The following TNRC6B variants were observed in gnomAD, a reference collection of about 807,000 sequenced individuals.
The protein encoded by TNRC6B is trinucleotide repeat-containing gene 6B protein.
TNRC6B carries 52 observed loss-of-function variants against 203.6 expected under a neutral mutation model. The ratio of observed to expected loss-of-function variants is 0.26; its 90% CI spans 0.20 to 0.32. The LOEUF (loss-of-function observed/expected upper bound fraction) is 0.32, where lower values mean the gene tolerates loss of function less well. Among genes scored for constraint, TNRC6B ranks in the 10% least tolerant of loss-of-function variants. TNRC6B has a pLI of 1.00. For missense variants in TNRC6B, 1,923 were observed against 2,286.2 expected, an observed-to-expected ratio of 0.84 and a Z score of 3.24; for synonymous variants, 838 against 845.7, an observed-to-expected ratio of 0.99 and a Z score of 0.16.
intron 1 of TNRC6B, among the ~76,000 whole-genome samples, chr22:40,204,556 T>C (rs560880094): frequency 6.6e-6 from 1 of 152,368 alleles, no homozygotes; most frequent in Admixed American, 6.5e-5. Flanking sequence ...GTAAATTTTA[T>C]GTGTTGCAAA....
At chr22:40,199,581 G>C (rs1238517130) in intron 1 of TNRC6B, among the ~76,000 whole-genome samples, 1 of 152,074 alleles carries the variant, frequency 6.6e-6, no homozygotes, top group African/African-American at 2.4e-5. Flanking sequence ...CAAGACCAAA[G>C]AATGATTCTA....
intron 1 of TNRC6B, among the ~76,000 whole-genome samples, chr22:40,057,296 T>TTG (rs1179023496): frequency 2.0e-5 from 3 of 150,970 alleles, no homozygotes; most frequent in Non-Finnish European, 3.0e-5. Flanking sequence ...TGCCAGGTTT[T>TTG]TTTTTTTTTT....
chr22:40,063,671 TTTTTTTC>T (rs1387841757), intron 1 of TNRC6B, among the ~76,000 whole-genome samples: 1 of 152,044 alleles, frequency 6.6e-6, no homozygotes, highest in Non-Finnish European at 1.5e-5. Flanking sequence ...TGATGTTAGG[TTTTTTTC>T]TTTTTTCTTT....
At chr22:40,170,854 T>TATAC (rs1491511859) in intron 4 of TNRC6B, among the ~76,000 whole-genome samples, 1 of 109,380 alleles carries the variant, frequency 9.1e-6, no homozygotes, top group Non-Finnish European at 1.8e-5. Context: ...TATATGTGTG[T>TATAC]ATATATACAT....
At chr22:40,102,874 G>A (rs1043932518) in intron 1 of TNRC6B, among the ~76,000 whole-genome samples, 1 of 151,878 alleles carries the variant, frequency 6.6e-6, no homozygotes, top group Non-Finnish European at 1.5e-5. Flanking sequence ...GTCAGGAGAC[G>A]GAGACCATCC....
At chr22:40,101,543 T>A (rs2068241493) in intron 1 of TNRC6B, among the ~76,000 whole-genome samples, 1 of 152,166 alleles carries the variant, frequency 6.6e-6, no homozygotes, top group Non-Finnish European at 1.5e-5. Flanking sequence ...TGGTCTCTAG[T>A]TGGGCTTTTT....
At position 40,265,361 on chromosome 22, in the gene TNRC6B, C is replaced by T; in HGVS notation, c.1131C>T (p.Asn377=). The T allele has an allele frequency of 6.2e-7, 1 of 1,613,954 alleles. No homozygotes were observed. The highest frequency in any genetic ancestry group is 1.3e-5 in the African/African-American group (1 of 75,032). ...ACACTGATGGACCAAAAAATGGAAACACTAACTCCTTGAACTTAAGTTCAC... is the reference window on the plus strand; with the variant it reads ...ACACTGATGGACCAAAAAATGGAAATACTAACTCCTTGAACTTAAGTTCAC... ...IHNTDGPKNG[N]TNSLNLSSPN... is the part of the protein sequence containing the mutation. Residue 377 remains asparagine (N), a synonymous_variant, in exon 5 of 23, where the codon AAC becomes AAT. Coordinates refer to ENST00000454349, the MANE Select transcript of TNRC6B (RefSeq NM_001162501.2).
At position 40,265,376 on chromosome 22, in the gene TNRC6B, C is replaced by T; in HGVS notation, c.1146C>T (p.Asn382=). The T allele has an allele frequency of 1.2e-6, 2 of 1,614,012 alleles. No individual in the cohort carries two copies. The highest frequency in any genetic ancestry group is 1.7e-6 in the Non-Finnish European group (2 of 1,179,894). The change falls in exon 5 of 23, where the codon AAC becomes AAT. Residue 382 remains asparagine (N), a synonymous_variant. Transcript: ENST00000454349. ...GPKNGNTNSL[N]LSSPNPMENK... is the part of the protein sequence containing the mutation. ...AAAATGGAAACACTAACTCCTTGAACTTAAGTTCACCAAACCCCATGGAGA... is the reference window on the plus strand; with the variant it reads ...AAAATGGAAACACTAACTCCTTGAATTTAAGTTCACCAAACCCCATGGAGA...
intron 1 of TNRC6B, among the ~76,000 whole-genome samples, chr22:40,183,868 G>A (rs753384005): frequency 1.3e-5 from 2 of 151,952 alleles, no homozygotes; most frequent in Non-Finnish European, 2.9e-5. Context: ...CTAATTTTTT[G>A]TATATTTTAG....
chr22:40,134,710 T>G (rs2068583095), intron 3 of TNRC6B, among the ~76,000 whole-genome samples: 2 of 152,114 alleles, frequency 1.3e-5, no homozygotes, highest in Admixed American at 1.3e-4. Context: ...AACTTAAAGT[T>G]TAATAAATAA....
At chr22:40,245,283 G>T (rs2070090436) in intron 1 of TNRC6B, among the ~76,000 whole-genome samples, 1 of 151,820 alleles carries the variant, frequency 6.6e-6, no homozygotes, top group Non-Finnish European at 1.5e-5. Flanking sequence ...TAGAGACGGG[G>T]TTTCACTATG....
intron 1 of TNRC6B, among the ~76,000 whole-genome samples, chr22:40,081,105 C>T (rs2068060418): frequency 6.6e-6 from 1 of 152,152 alleles, no homozygotes; most frequent in South Asian, 2.1e-4. Flanking sequence ...AAGTGATCCA[C>T]CCGCCTCAGC....
At chr22:40,200,278 CTTTTTTT>C (rs59067007) in intron 1 of TNRC6B, among the ~76,000 whole-genome samples, 4 of 75,510 alleles carry the variant, frequency 5.3e-5, no homozygotes, top group Admixed American at 2.4e-4. Context: ...AAGTAATATT[CTTTTTTT>C]TTTTTTTTTT....
intron 1 of TNRC6B, among the ~76,000 whole-genome samples, chr22:40,234,368 T>C (rs1569031857): frequency 6.6e-6 from 1 of 152,234 alleles, no homozygotes; most frequent in Admixed American, 6.5e-5. Flanking sequence ...ATGCTTGATA[T>C]TAATGAGATT....
chr22:40,154,337 G>A (rs1196151221), intron 3 of TNRC6B, among the ~76,000 whole-genome samples: 5 of 151,692 alleles, frequency 3.3e-5, no homozygotes, highest in Non-Finnish European at 7.4e-5. Flanking sequence ...GGTGGCAGGC[G>A]CCTGTAATCC....
intron 1 of TNRC6B, among the ~76,000 whole-genome samples, chr22:40,207,800 T>G (rs2069502262): frequency 1.3e-5 from 2 of 152,050 alleles, no homozygotes; most frequent in East Asian, 3.9e-4. Context: ...CTCATAAAAT[T>G]GGCAAAAATT....
In TNRC6B at chr22:40,310,844, G is replaced by A. The variant is rs2071168224; in HGVS notation, c.4286G>A (p.Arg1429Gln). The change falls in exon 17 of 23, where the codon CGG (arginine) becomes CAG (glutamine). Residue 1429 changes from arginine (R) to glutamine (Q), a missense_variant. Physicochemically the swap from Arg to Gln is conservative, Grantham distance 43. Coordinates refer to ENST00000454349, the MANE Select transcript of TNRC6B (RefSeq NM_001162501.2). ...NGAIVAPGKT[R>Q]GGSPYNQFDI... is the part of the protein sequence containing the mutation. ...GCTATAGTGGCCCCTGGTAAAACCC[G>A]GGGAGGGTCACCGTACAACCAGTTT... The A allele has an allele frequency of 6.2e-7, 1 of 1,612,512 alleles. No homozygotes were observed. The highest frequency in any genetic ancestry group is 8.5e-7 in the Non-Finnish European group (1 of 1,179,268).
Position 40,332,060 on chromosome 22 carries a change from A to T in TNRC6B, c.*8819A>T, listed in dbSNP as rs2043987965. On this transcript the variant is annotated 3_prime_UTR_variant, in exon 23 of 23. Coordinates refer to ENST00000454349, the MANE Select transcript of TNRC6B (RefSeq NM_001162501.2). ...ACAGGCTCCAGTGTTCTCTGGAAAA[A>T]GTACTCATCCTTTCCTGAATTCAGA... The T allele has an allele frequency of 1.2e-5, 2 of 165,446 alleles. No homozygotes were observed. The highest frequency in any genetic ancestry group is 2.0e-4 in the South Asian group (1 of 4,942). The allele number at this position is 165,446 out of a possible 1,614,324, so 10.2% of individuals were successfully genotyped here.
chr22:40,225,950 A>T (rs2069779733), intron 1 of TNRC6B, among the ~76,000 whole-genome samples: 1 of 152,180 alleles, frequency 6.6e-6, no homozygotes, highest in Non-Finnish European at 1.5e-5. Flanking sequence ...GATCCTGAAG[A>T]GTTAAACACA....
Sources: gnomAD v4.1 joint callset for allele counts (sites outside exome capture counted in the v4.1 genomes callset) on GRCh38, gnomAD v4.1.1 for gene constraint, MANE v1.5 for transcripts, NCBI Gene and HGNC (gene_info 2026-07-23, HGNC 2026-07-21) for gene names.